The following PRSS27 variants were observed in gnomAD, a reference collection of about 807,000 sequenced individuals.
PRSS27 encodes channel-activating protease 2.
A neutral mutation model predicts 32.0 loss-of-function variants in PRSS27; 25 were observed. The observed-to-expected ratio is 0.78, with a 90% CI of 0.57 to 1.09. The LOEUF is 1.09. Among genes scored for constraint, PRSS27 ranks in the 50% least tolerant of loss-of-function variants. The pLI is 0.00. For missense variants in PRSS27, 401 were observed against 394.9 expected (o/e 1.02, Z -0.13); for synonymous variants, 178 against 172.2 (o/e 1.03, Z -0.26).
rs142372018 is a variant in PRSS27, at chr16:2,712,673, G to A, written c.820C>T (p.Arg274Trp). The change falls in exon 6 of 6, where the codon CGG becomes TGG. Residue 274 changes from arginine to tryptophan, a missense_variant. Transcript: ENST00000302641. This position sits in a 1 kb window ranked among gnomAD's most constrained non-coding sequence, Gnocchi z 4.6. ...TGGAACTGCAGTTTGGGGATGATCC[G>A]ATGGATCCAGTTGTGGTGGGCGGTG... ...RVTAHHNWIH[R>W]IIPKLQFQPA... 287 of 1,599,278 alleles carry A rather than the reference G, an allele frequency of 1.8e-4. No individual in the cohort carries two copies. The highest frequency in any genetic ancestry group is 2.3e-4 in the Non-Finnish European group (269 of 1,172,914).
chr16:2,714,424 G>C lies in PRSS27; in HGVS notation c.237-88C>G, dbSNP rs772357000. The C allele has an allele frequency of 1.8e-5, 25 of 1,422,012 alleles. No individual in the cohort carries two copies. In the South Asian group the frequency reaches 3.0e-4, roughly 17 times the overall value. The allele number at this position is 1,422,012 out of a possible 1,614,324, so 88.1% of individuals were successfully genotyped here. On this transcript the variant is annotated intron_variant, in intron 3 of 5. Transcript: ENST00000302641. This position sits in a 1 kb window ranked among gnomAD's most constrained non-coding sequence, Gnocchi z 4.7. ...GGCTGGGGCTCCTCTGGCCACCACC[G>C]TGCCCCACACCTCTCTCTGCACAAT... is the stretch of plus-strand genomic sequence containing the variant.
At position 2,715,767 on chromosome 16, in the gene PRSS27, T is replaced by A. The variant is rs1168489911; in HGVS notation, c.187A>T (p.Ser63Cys). The A allele has an allele frequency of 6.3e-7, 1 of 1,591,470 alleles. No homozygotes were observed. Among genetic ancestry groups the A allele is most frequent in the South Asian group, 1.1e-5 (1 of 88,060 alleles). The change falls in exon 3 of 6, where the codon AGC becomes TGC. Residue 63 changes from serine to cysteine, a missense_variant. By Grantham distance (112) the Ser-to-Cys change is moderately radical (BLOSUM62 -1). Coordinates refer to ENST00000302641, the MANE Select transcript of PRSS27 (RefSeq NM_031948.5). ...QRNGSHFCGG[S>C]LIAEQWVLTA... ...AGGACCCACTGCTCCGCGATGAGGC[T>A]GCCCCCGCAGAAGTGGCTTCCGTTG...
At chr16:2,716,448 G>T in intron 2 of PRSS27, 52 bp downstream of exon 2, 1 of 1,556,838 alleles carries the variant, frequency 6.4e-7, no homozygotes, top group Non-Finnish European at 8.8e-7. Flanking sequence ...AGTGTCCCTG[G>T]CTCAGTCCAG....
Position 2,720,097 on chromosome 16 carries a change from T to A in PRSS27, c.46+18A>T, listed in dbSNP as rs759810992. Reference sequence around the variant, plus strand: ...GTGGGGGACTGCACCACCAGGACCCTGCACCTTCACGACTCACCAAAACAC... The same window carrying A: ...GTGGGGGACTGCACCACCAGGACCCAGCACCTTCACGACTCACCAAAACAC... On this transcript the variant is annotated intron_variant, in intron 1 of 5. Transcript: ENST00000302641. 3 of 1,595,354 alleles carry A rather than the reference T, an allele frequency of 1.9e-6. No individual in the cohort carries two copies. The East Asian group carries it at 6.8e-5, about 36-fold the overall frequency.
chr16:2,717,767 TCA>T lies in PRSS27; in HGVS notation c.47-1243_47-1242del, dbSNP rs2067710900. 1.3e-5 allele frequency: 2 copies of T among 152,270 alleles called. No individual in the cohort carries two copies. The highest frequency in any genetic ancestry group is 4.8e-5 in the African/African-American group (2 of 41,528). The allele number at this position is 152,270 out of a possible 1,614,324, so 9.4% of individuals were successfully genotyped here. A position where few individuals can be genotyped will look rare whatever the true frequency, so the allele number is the denominator to read the frequency against. On this transcript the variant is annotated intron_variant, in intron 1 of 5. Transcript: ENST00000302641. This position sits in a 1 kb window ranked among gnomAD's most constrained non-coding sequence, Gnocchi z 4.1. Reference sequence around the variant, plus strand: ...GGCATCCTCTTCCTTTCTGTCTGCCTCACAGTCTGGGGGGCACCCTCCCCAAC... The same window carrying T: ...GGCATCCTCTTCCTTTCTGTCTGCCTCAGTCTGGGGGGCACCCTCCCCAAC...
At chr16:2,716,737 G>A (rs940171620) in intron 1 of PRSS27, 1 of 585,410 alleles carries the variant, frequency 1.7e-6, no homozygotes, top group Non-Finnish European at 3.1e-6. Flanking sequence ...ATGGGCCACA[G>A]CTTATCTGCA....
rs564915207 is a variant in PRSS27, at chr16:2,712,465, T to C, written c.*155A>G. 6.1e-4 allele frequency: 390 copies of C among 634,944 alleles called. No individual in the cohort carries two copies. In the African/African-American group the frequency reaches 6.7e-3, roughly 11 times the overall value. 39.3% of individuals were successfully genotyped at this position (634,944 alleles called of 1,614,324 possible). On this transcript the variant is annotated 3_prime_UTR_variant, in exon 6 of 6. Transcript: ENST00000302641. This position sits in a 1 kb window ranked among gnomAD's most constrained non-coding sequence, Gnocchi z 4.6. ...TTTATTGGGAGAAACATAAATAAAA[T>C]AAGGGTATTTGAGAGGGGAGGAAGG...
chr16:2,712,756 A>G lies in PRSS27; in HGVS notation c.737T>C (p.Val246Ala). The G allele has an allele frequency of 6.4e-7, 1 of 1,555,622 alleles. No homozygotes were observed. The highest frequency in any genetic ancestry group is 8.7e-7 in the Non-Finnish European group (1 of 1,150,806). Residue 246 changes from valine (V) to alanine (A), a missense_variant, in exon 6 of 6, where the codon GTG (valine) becomes GCG (alanine). Coordinates refer to ENST00000302641, the MANE Select transcript of PRSS27 (RefSeq NM_031948.5). The surrounding 1 kb of genome is among the most constrained non-coding windows in gnomAD (Gnocchi z 4.6). ...LVGQSWLQAG[V>A]ISWGEGCARQ... ...GGCACAGCCCTCACCCCAGCTGATC[A>G]CCCCCGCCTGCAGCCACGACTGACC... is the stretch of plus-strand genomic sequence containing the variant.
At position 2,714,382 on chromosome 16, in the gene PRSS27, G is replaced by A. The variant is rs1447629185; in HGVS notation, c.237-46C>T. 6.2e-7 allele frequency: 1 copy of A among 1,600,128 alleles called. No homozygotes were observed. Among genetic ancestry groups the A allele is most frequent in the Non-Finnish European group, 8.5e-7 (1 of 1,177,674 alleles). ...GCGGCGTGAGGCGGCCCCTCGTGTG[G>A]GGACAGGCCCGGGAGGGGCTGGGGC... is the stretch of plus-strand genomic sequence containing the variant. On this transcript the variant is annotated intron_variant, in intron 3 of 5. Coordinates refer to ENST00000302641, the MANE Select transcript of PRSS27 (RefSeq NM_031948.5). The surrounding 1 kb of genome is among the most constrained non-coding windows in gnomAD (Gnocchi z 4.7).
At chr16:2,719,797 G>A (rs2067724025) in intron 1 of PRSS27, among the ~76,000 whole-genome samples, 1 of 152,206 alleles carries the variant, frequency 6.6e-6, no homozygotes, top group Non-Finnish European at 1.5e-5. Context: ...GGGAGAGGCC[G>A]AGGTGGCAGG....
At chr16:2,713,378 G>T (rs759872133) in intron 5 of PRSS27, 151 bp downstream of exon 5, 3 of 822,660 alleles carry the variant, frequency 3.6e-6, no homozygotes, top group South Asian at 1.4e-5. Context: ...GATTACAGGC[G>T]TGAGCCACCA....
At chr16:2,718,644 G>A (rs1221425459) in intron 1 of PRSS27, 1 of 152,244 alleles carries the variant, frequency 6.6e-6, no homozygotes, top group Non-Finnish European at 1.5e-5. Flanking sequence ...TAGAGATCAA[G>A]GCCCAACTGA....
chr16:2,714,715 G>A lies in PRSS27; in HGVS notation c.237-379C>T. ...CCTGCGGGCCTCTGGCAGGTGACCT[G>A]CCCTCTCTCAGCCCGAGTTTCCGAT... is the stretch of plus-strand genomic sequence containing the variant. On this transcript the variant is annotated intron_variant, in intron 3 of 5. Transcript: ENST00000302641. The surrounding 1 kb of genome is among the most constrained non-coding windows in gnomAD (Gnocchi z 4.7). The A allele has an allele frequency of 3.7e-6, 1 of 271,960 alleles. No individual in the cohort carries two copies. Among genetic ancestry groups the A allele is most frequent in the Non-Finnish European group, 7.1e-6 (1 of 140,082 alleles). 16.8% of individuals were successfully genotyped at this position (271,960 alleles called of 1,614,324 possible).
chr16:2,713,664 G>A lies in PRSS27; in HGVS notation c.543C>T (p.Leu181=), dbSNP rs140672073. ...TGGGTGTGTCGATGATGGGCACAGC[G>A]AGTTTCTGCAGGATCCGCGGTTCGG... ...LLPEPRILQK[L]AVPIIDTPKC... The change falls in exon 5 of 6, where the codon CTC becomes CTT. Residue 181 remains leucine, a synonymous_variant. Coordinates refer to ENST00000302641, the MANE Select transcript of PRSS27 (RefSeq NM_031948.5). The A allele has an allele frequency of 2.2e-4, 357 of 1,614,216 alleles. No individual in the cohort carries two copies. The highest frequency in any genetic ancestry group is 8.7e-4 in the African/African-American group (65 of 75,062).
rs2067680720 is a variant in PRSS27, at chr16:2,713,678, T to A, written c.529A>T (p.Ile177Phe). Residue 177 changes from isoleucine (I) to phenylalanine (F), a missense_variant, in exon 5 of 6, where the codon ATC (isoleucine) becomes TTC (phenylalanine). Transcript: ENST00000302641. Reference protein sequence around the residue: ...SEEDLLPEPRILQKLAVPIID... With the variant: ...SEEDLLPEPRFLQKLAVPIID... Reference sequence around the variant, plus strand: ...ATGGGCACAGCGAGTTTCTGCAGGATCCGCGGTTCGGGCAGGAGGTCTGGA... The same window carrying A: ...ATGGGCACAGCGAGTTTCTGCAGGAACCGCGGTTCGGGCAGGAGGTCTGGA... The A allele has an allele frequency of 6.2e-7, 1 of 1,614,214 alleles. No individual in the cohort carries two copies.
Position 2,720,114 on chromosome 16 carries a change from C to A in PRSS27, c.46+1G>T. 2 of 1,602,728 alleles carry A rather than the reference C, an allele frequency of 1.2e-6. No homozygotes were observed. The highest frequency in any genetic ancestry group is 1.7e-6 in the Non-Finnish European group (2 of 1,174,992). ...CAGGACCCTGCACCTTCACGACTCA[C>A]CAAAACACAGCAGCAGCAGGAGCGG... On this transcript the variant is annotated splice_donor_variant, in intron 1 of 5. Transcript: ENST00000302641. LOFTEE classifies it high-confidence loss of function.
Position 2,713,632 on chromosome 16 carries a change from T to C in PRSS27, c.575A>G (p.Asn192Ser). The C allele has an allele frequency of 6.2e-7, 1 of 1,614,190 alleles. No individual in the cohort carries two copies. Among genetic ancestry groups the C allele is most frequent in the Non-Finnish European group, 8.5e-7 (1 of 1,180,034 alleles). The change falls in exon 5 of 6, where the codon AAC (asparagine) becomes AGC (serine). Residue 192 changes from asparagine to serine, a missense_variant. Transcript: ENST00000302641. Reference sequence around the variant, plus strand: ...CTCGGTGTCTTTGCTGTAGAGCAGGTTGCACTTGGGTGTGTCGATGATGGG... The same window carrying C: ...CTCGGTGTCTTTGCTGTAGAGCAGGCTGCACTTGGGTGTGTCGATGATGGG... ...AVPIIDTPKC[N>S]LLYSKDTEFG...
At chr16:2,718,375 T>A (rs1031184681) in intron 1 of PRSS27, 1 of 150,544 alleles carries the variant, frequency 6.6e-6, no homozygotes, top group Non-Finnish European at 1.5e-5. Flanking sequence ...TGGAGTGCAG[T>A]GGCGCGATCT....
Position 2,713,753 on chromosome 16 carries a change from C to T in PRSS27, c.509-55G>A, listed in dbSNP as rs928674688. ...AACGGACTTCCTCATCAAGAACCCA[C>T]GGCCCCGGGAACCACCACTCCATCC... On this transcript the variant is annotated intron_variant, in intron 4 of 5. Transcript: ENST00000302641. 1.8e-5 allele frequency: 28 copies of T among 1,578,914 alleles called. No individual in the cohort carries two copies. The East Asian group carries it at 2.7e-4, about 15-fold the overall frequency.
Sources: gnomAD v4.1 joint callset for allele counts (sites outside exome capture counted in the v4.1 genomes callset) on GRCh38, gnomAD v4.1.1 for gene constraint, Gnocchi (gnomAD v3.1) non-coding constraint, MANE v1.5 for transcripts, NCBI Gene and HGNC (gene_info 2026-07-23, HGNC 2026-07-21) for gene names.